KCNQ5: variants seen among roughly 807,000 people sequenced by gnomAD.
KCNQ5 encodes potassium voltage-gated channel subfamily Q member 5.
KCNQ5 carries 30 observed loss-of-function variants against 98.2 expected under a neutral mutation model. The ratio of observed to expected loss-of-function variants is 0.31; its 90% confidence interval spans 0.23 to 0.41. The LOEUF (loss-of-function observed/expected upper bound fraction) is 0.41. Among genes scored for constraint, KCNQ5 ranks in the 10% least tolerant of loss-of-function variants. The pLI is 1.00. For synonymous variants in KCNQ5, 458 were observed against 449.4 expected (o/e 1.02, Z -0.24); for missense variants, 835 against 1,182.5 (o/e 0.71, Z 4.31).
intron 1 of KCNQ5, among the ~76,000 whole-genome samples, chr6:72,963,158 T>C (rs1767454935): frequency 6.6e-6 from 1 of 152,198 alleles, no homozygotes; most frequent in Non-Finnish European, 1.5e-5. Flanking sequence ...TAGAGTGAGT[T>C]TCCTTTGAAG....
chr6:72,831,342 A>G (rs986509564), intron 1 of KCNQ5, among the ~76,000 whole-genome samples: 6 of 152,218 alleles, frequency 3.9e-5, no homozygotes, highest in African/African-American at 9.6e-5. Flanking sequence ...ATGTCCATCA[A>G]TGATAGACTG....
At chr6:73,151,444 A>G (rs1777142743) in intron 10 of KCNQ5, among the ~76,000 whole-genome samples, 1 of 152,154 alleles carries the variant, frequency 6.6e-6, no homozygotes, top group Non-Finnish European at 1.5e-5. Context: ...CAACCTTTCA[A>G]TGTAAGTCAC....
chr6:73,017,461 A>G (rs78635998), intron 2 of KCNQ5, among the ~76,000 whole-genome samples: 12,820 of 152,110 alleles, frequency 0.084, 1,807 homozygotes, highest in African/African-American at 0.29. Flanking sequence ...ACTGCACAAA[A>G]CCAAAAGCTG....
chr6:72,794,893 C>G (rs1022830507), intron 1 of KCNQ5, among the ~76,000 whole-genome samples: 2 of 152,010 alleles, frequency 1.3e-5, no homozygotes, highest in Non-Finnish European at 2.9e-5. Context: ...GTTACAGAAA[C>G]CCAAATAAAA....
chr6:72,746,082 AAAAAAAAAAAAAAAAAAAAAAAG>A (rs1275645485), intron 1 of KCNQ5, among the ~76,000 whole-genome samples: 4 of 11,298 alleles, frequency 3.5e-4, no homozygotes, highest in African/African-American at 1.7e-3. Flanking sequence ...AAAAAAAAAA[AAAAAAAAAAAAAAAAAAAAAAAG>A]GGTCACATTC....
At chr6:73,021,884 G>A (rs893853938) in intron 2 of KCNQ5, among the ~76,000 whole-genome samples, 16 of 151,964 alleles carry the variant, frequency 1.1e-4, no homozygotes, top group African/African-American at 3.6e-4. Flanking sequence ...GTGATTATTC[G>A]CTCATTTTGT....
chr6:72,973,700 T>C (rs757976854), intron 1 of KCNQ5, among the ~76,000 whole-genome samples: 4 of 152,180 alleles, frequency 2.6e-5, no homozygotes, highest in Non-Finnish European at 5.9e-5. Context: ...TCAAATACTC[T>C]TCCGATCAAC....
At chr6:73,111,996 A>G (rs1775260776) in intron 7 of KCNQ5, among the ~76,000 whole-genome samples, 2 of 152,208 alleles carry the variant, frequency 1.3e-5, no homozygotes, top group Non-Finnish European at 2.9e-5. Context: ...CCTAATACAT[A>G]GGTTGTTATT....
chr6:73,018,073 A>G (rs1770430983), intron 2 of KCNQ5, among the ~76,000 whole-genome samples: 1 of 152,124 alleles, frequency 6.6e-6, no homozygotes, highest in Non-Finnish European at 1.5e-5. Context: ...AAATCCCAAC[A>G]TATTATGTTG....
At chr6:72,864,399 A>G (rs1777891158) in intron 1 of KCNQ5, among the ~76,000 whole-genome samples, 1 of 152,218 alleles carries the variant, frequency 6.6e-6, no homozygotes, top group African/African-American at 2.4e-5. Flanking sequence ...TGCCAGTTCC[A>G]AAACGGCAAA....
At chr6:73,186,212 G>C (rs1379809492) in intron 11 of KCNQ5, among the ~76,000 whole-genome samples, 1 of 151,898 alleles carries the variant, frequency 6.6e-6, no homozygotes, top group Non-Finnish European at 1.5e-5. Context: ...GCGTGACAGA[G>C]TGAGACCTTG....
At chr6:73,029,510 A>T (rs1771037361) in intron 2 of KCNQ5, among the ~76,000 whole-genome samples, 1 of 120,570 alleles carries the variant, frequency 8.3e-6, no homozygotes. Flanking sequence ...TTTTTTTTTT[A>T]AGCCGGTATA....
intron 1 of KCNQ5, among the ~76,000 whole-genome samples, chr6:72,978,493 T>C (rs547461168): frequency 6.6e-6 from 1 of 152,340 alleles, no homozygotes; most frequent in South Asian, 2.1e-4. Context: ...CTTTCCACAC[T>C]GAATGAGTAT....
chr6:72,917,488 T>TATTTTATTTTATTTTA, intron 1 of KCNQ5, among the ~76,000 whole-genome samples: 2 of 149,762 alleles, frequency 1.3e-5, no homozygotes, highest in African/African-American at 4.9e-5. Context: ...TATTTTATTT[T>TATTTTATTTTATTTTA]TTGAGATGGA....
At chr6:72,827,346 G>A (rs1776051541) in intron 1 of KCNQ5, among the ~76,000 whole-genome samples, 1 of 151,806 alleles carries the variant, frequency 6.6e-6, no homozygotes, top group Non-Finnish European at 1.5e-5. Flanking sequence ...CCAACAAGAG[G>A]TATAATATAC....
Position 72,703,221 on chromosome 6 carries a change from C to T in KCNQ5, c.398+80634C>T, listed in dbSNP as rs542349540. ...ACTCCACTCCAGCAACTCTGAACTT[C>T]TTGCAGCGTCCTGCCCTTCCCAGCA... is the stretch of plus-strand genomic sequence containing the variant. On this transcript the variant is annotated intron_variant, in intron 1 of 13. Transcript: ENST00000370398. Among the ~76,000 whole-genome samples, 57 of 152,382 alleles carry T rather than the reference C, an allele frequency of 3.7e-4. 1 individual carries two copies. The South Asian group carries it at 0.012, about 32-fold the overall frequency.
At chr6:72,811,764 G>T (rs185231045) in intron 1 of KCNQ5, among the ~76,000 whole-genome samples, 1 of 152,226 alleles carries the variant, frequency 6.6e-6, no homozygotes, top group African/African-American at 2.4e-5. Flanking sequence ...CCCTAAAGAG[G>T]GTTCTTGAAT....
intron 1 of KCNQ5, among the ~76,000 whole-genome samples, chr6:72,931,814 G>A (rs1222901293): frequency 6.6e-6 from 1 of 152,116 alleles, no homozygotes; most frequent in Non-Finnish European, 1.5e-5. Context: ...AAAAATTGGA[G>A]GACGATTCTC....
chr6:73,026,746 C>G (rs932164785), intron 2 of KCNQ5, among the ~76,000 whole-genome samples: 1 of 151,900 alleles, frequency 6.6e-6, no homozygotes, highest in Non-Finnish European at 1.5e-5. Context: ...AGAGTTAAAG[C>G]GATTTCTGTG....
Sources: allele counts gnomAD v4.1 joint callset (sites outside exome capture counted in the v4.1 genomes callset), GRCh38; gene constraint gnomAD v4.1.1; transcripts MANE v1.5; gene names NCBI Gene and HGNC (gene_info 2026-07-23, HGNC 2026-07-21).